The following FREM1 variants were observed in gnomAD, a reference collection of about 807,000 sequenced individuals.
The protein encoded by FREM1 is FRAS1-related extracellular matrix protein 1.
In FREM1, 220 loss-of-function variants were observed where a neutral mutation model predicts 210.1. That is an observed-to-expected ratio of 1.05 (90% CI 0.94 to 1.17). FREM1 has a LOEUF of 1.17. Ranked by LOEUF, FREM1 falls within the 50% of genes most tolerant of loss-of-function variation. The pLI is 0.00. For synonymous variants in FREM1, 1,189 were observed against 980.2 expected, an observed-to-expected ratio of 1.21 and a Z score of -3.98; for missense variants, 3,454 against 2,675.5, an observed-to-expected ratio of 1.29 and a Z score of -6.42.
chr9:14,847,439 AGGGAGGGAGGGAGGGAGGGT>A, intron 7 of FREM1, among the ~76,000 whole-genome samples: 1 of 22,530 alleles, frequency 4.4e-5, no homozygotes, highest in African/African-American at 1.5e-4. Flanking sequence ...GGAGGGAGGG[AGGGAGGGAGGGAGGGAGGGT>A]GGGAGGGAGA....
intron 1 of FREM1, among the ~76,000 whole-genome samples, chr9:14,883,878 G>T (rs553956493): frequency 7.2e-5 from 11 of 152,340 alleles, no homozygotes; most frequent in African/African-American, 2.6e-4. Flanking sequence ...GGGGCAGCTA[G>T]AAGTGGAAGT....
chr9:14,812,095 G>T (rs1261744781), intron 16 of FREM1, among the ~76,000 whole-genome samples: 1 of 152,098 alleles, frequency 6.6e-6, no homozygotes, highest in Non-Finnish European at 1.5e-5. Flanking sequence ...GCATGCAAAT[G>T]GGTTTTGTCT....
At chr9:14,843,450 G>A (rs779939157) in intron 8 of FREM1, among the ~76,000 whole-genome samples, 15 of 152,046 alleles carry the variant, frequency 9.9e-5, no homozygotes, top group African/African-American at 3.1e-4. Flanking sequence ...CTCAGCCTCC[G>A]CAATTACATA....
chr9:14,861,298 T>C (rs1359871986), intron 3 of FREM1, among the ~76,000 whole-genome samples: 1 of 115,196 alleles, frequency 8.7e-6, no homozygotes, highest in Non-Finnish European at 1.6e-5. Flanking sequence ...TATATACATA[T>C]ATACACATAT....
intron 20 of FREM1, among the ~76,000 whole-genome samples, chr9:14,800,221 T>C (rs58287588): frequency 0.031 from 4,739 of 152,152 alleles, 231 homozygotes; most frequent in African/African-American, 0.11. Context: ...AGGAGTGGTT[T>C]GGAGACCTTG....
chr9:14,898,679 T>A (rs1588657690), intron 1 of FREM1, among the ~76,000 whole-genome samples: 1 of 152,020 alleles, frequency 6.6e-6, no homozygotes, highest in Admixed American at 6.5e-5. Context: ...GAGGCGGAGG[T>A]TGCAGTGGGC....
chr9:14,765,937 CA>C (rs1846315591), intron 27 of FREM1, among the ~76,000 whole-genome samples: 1 of 152,144 alleles, frequency 6.6e-6, no homozygotes, highest in African/African-American at 2.4e-5. Flanking sequence ...TTCTGTGGTC[CA>C]CAAAAGTGCT....
At position 14,891,135 on chromosome 9, in the gene FREM1, T is replaced by C. The variant is rs572139079; in HGVS notation, c.-268+18779A>G. 7.2e-5 allele frequency among the ~76,000 whole-genome samples: 11 copies of C among 152,348 alleles called. No individual in the cohort carries two copies. In the South Asian group the frequency reaches 2.3e-3, roughly 32 times the overall value. On this transcript the variant is annotated intron_variant, in intron 1 of 36. Coordinates refer to ENST00000380880, the MANE Select transcript of FREM1 (RefSeq NM_001379081.2). ...TCTTCTTGAGTGAATTCTTCATTTC[T>C]TAATTTACAACAGAACAACACCAAA...
chr9:14,823,027 C>A (rs747477918), intron 13 of FREM1, 133 bp downstream of exon 13: 1 of 555,198 alleles, frequency 1.8e-6, no homozygotes. Flanking sequence ...CTTTTTTTTA[C>A]TACACCATAG....
rs1476396091 is a variant in FREM1 at position 14,836,935 on chromosome 9, G to A, written c.1881+4512C>T. 9.2e-5 allele frequency among the ~76,000 whole-genome samples: 14 copies of A among 152,144 alleles called. No individual in the cohort carries two copies. The highest frequency in any genetic ancestry group is 2.1e-4 in the Non-Finnish European group (14 of 68,034). On this transcript the variant is annotated intron_variant, in intron 10 of 36. Transcript: ENST00000380880. The surrounding 1 kb of genome is among the most constrained non-coding windows in gnomAD (Gnocchi z 4.9). ...ATTTTATGCAGATAGAGAGGAAAAG[G>A]GGTCCTTGGGTAGTTTTCGTCTTTT...
intron 27 of FREM1, among the ~76,000 whole-genome samples, chr9:14,762,118 A>G (rs568547815): frequency 6.6e-6 from 1 of 152,308 alleles, no homozygotes; most frequent in African/African-American, 2.4e-5. Context: ...ACAAGATAAC[A>G]AACAACAAGG....
In FREM1 at chr9:14,741,424, A is replaced by C. The variant is rs7020297; in HGVS notation, c.6255-1190T>G. Among the ~76,000 whole-genome samples, 1,176 of 152,312 alleles carry C rather than the reference A, an allele frequency of 7.7e-3. 12 individuals carry two copies. Among genetic ancestry groups the C allele is most frequent in the African/African-American group, 0.026 (1,097 of 41,568 alleles). On this transcript the variant is annotated intron_variant, in intron 35 of 36. Coordinates refer to ENST00000380880, the MANE Select transcript of FREM1 (RefSeq NM_001379081.2). ...GATTTCTAGGCCTTCTTAGATATAT[A>C]AGGCTCTTTGCCCCTCCACTGAATG... is the stretch of plus-strand genomic sequence containing the variant.
intron 1 of FREM1, among the ~76,000 whole-genome samples, chr9:14,895,829 T>G (rs934684885): frequency 1.9e-4 from 29 of 152,148 alleles, no homozygotes; most frequent in African/African-American, 7.0e-4. Flanking sequence ...GGCAGGAATA[T>G]CATCACCCCT....
At chr9:14,837,121 C>G (rs1298235603) in intron 10 of FREM1, among the ~76,000 whole-genome samples, 1 of 152,176 alleles carries the variant, frequency 6.6e-6, no homozygotes, top group African/African-American at 2.4e-5. Context: ...CATGGCCGCC[C>G]CCACATATCC....
chr9:14,824,406 T>C (rs1201090035), intron 11 of FREM1, among the ~76,000 whole-genome samples: 1 of 152,234 alleles, frequency 6.6e-6, no homozygotes, highest in African/African-American at 2.4e-5. Context: ...GATACTAGCA[T>C]AACGTATATT....
At position 14,737,449 on chromosome 9, in the gene FREM1, T is replaced by C; in HGVS notation, c.6487A>G (p.Lys2163Glu). The change falls in exon 37 of 37, where the codon AAA becomes GAA. Residue 2163 changes from lysine (K) to glutamate (E), a missense_variant. Lys to Glu is a moderately conservative substitution (Grantham distance 56). Transcript: ENST00000380880. ...TGAGGTTTGGCTCTCCTACAGTCTT[T>C]TGTTTGCCATTTCCCTTGTCTTTGA... ...LVQRQGKWQT[K>E]DCRRAKPHNY... is the part of the protein sequence containing the mutation. 1 of 1,613,902 alleles carries C rather than the reference T, an allele frequency of 6.2e-7. No homozygotes were observed. The highest frequency in any genetic ancestry group is 1.1e-5 in the South Asian group (1 of 91,060).
rs948091056 is a variant in FREM1, at chr9:14,886,452, C to T, written c.-267-17208G>A. ...CGCTAACAGAGAAATGGCATTTTAA[C>T]TGAAAATAGCCACTTCAGGATGAAC... On this transcript the variant is annotated intron_variant, in intron 1 of 36. Coordinates refer to ENST00000380880, the MANE Select transcript of FREM1 (RefSeq NM_001379081.2). Among the ~76,000 whole-genome samples, 3 of 140,840 alleles carry T rather than the reference C, an allele frequency of 2.1e-5. No individual in the cohort carries two copies. The East Asian group carries it at 6.6e-4, about 31-fold the overall frequency. 92.4% of individuals were successfully genotyped at this position (140,840 alleles called of 152,430 possible).
chr9:14,788,538 C>T (rs1850766547), intron 23 of FREM1, among the ~76,000 whole-genome samples: 1 of 151,642 alleles, frequency 6.6e-6, no homozygotes, highest in African/African-American at 2.4e-5. Flanking sequence ...AAGTACTTTT[C>T]CTTTGAAACT....
chr9:14,846,825 G>A (rs1175751212), intron 7 of FREM1, among the ~76,000 whole-genome samples: 1 of 152,182 alleles, frequency 6.6e-6, no homozygotes, highest in African/African-American at 2.4e-5. Context: ...AGCTTCACCT[G>A]CCATCCCGGC....
Sources: gnomAD v4.1 joint callset for allele counts (sites outside exome capture counted in the v4.1 genomes callset) on GRCh38, gnomAD v4.1.1 for gene constraint, Gnocchi (gnomAD v3.1) non-coding constraint, MANE v1.5 for transcripts, NCBI Gene and HGNC (gene_info 2026-07-23, HGNC 2026-07-21) for gene names.